The following PTPRD variants were observed in gnomAD, a reference collection of about 807,000 sequenced individuals.
PTPRD encodes the protein protein tyrosine phosphatase receptor type D, also known as receptor-type tyrosine-protein phosphatase delta.
Under a neutral mutation model 214.5 loss-of-function variants are expected in PTPRD, and 34 were observed. The ratio of observed to expected loss-of-function variants is 0.16; its 90% CI spans 0.12 to 0.21. The LOEUF (loss-of-function observed/expected upper bound fraction) is 0.21, where lower values mean the gene tolerates loss of function less well. Among genes scored for constraint, PTPRD ranks in the 10% least tolerant of loss-of-function variants. PTPRD has a pLI of 1.00. For missense variants in PTPRD, 2,545 were observed against 2,398.7 expected (o/e 1.06, Z -1.27); for synonymous variants, 1,128 against 845.7 (o/e 1.33, Z -5.79).
intron 12 of PTPRD, among the ~76,000 whole-genome samples, chr9:8,652,972 T>C (rs1163734735): frequency 1.3e-5 from 2 of 152,166 alleles, no homozygotes; most frequent in African/African-American, 4.8e-5. Context: ...TACATGCTGC[T>C]TCTTTCCCTC....
rs531114582 is a variant in PTPRD, at chr9:9,899,483, T to C, written c.-368+39024A>G. Among the ~76,000 whole-genome samples the C allele has an allele frequency of 3.9e-5, 6 of 152,116 alleles. No individual in the cohort carries two copies. In the East Asian group the frequency reaches 1.2e-3, roughly 29 times the overall value. On this transcript the variant is annotated intron_variant, in intron 5 of 45. Transcript: ENST00000381196. ...ACACAATTCATCAGGGAAATGCAAA[T>C]TAAAGCCACTGTGAGATATCACCTC...
chr9:9,357,111 C>T (rs2138711248), intron 9 of PTPRD, among the ~76,000 whole-genome samples: 1 of 151,420 alleles, frequency 6.6e-6, no homozygotes, highest in Middle Eastern at 3.4e-3. Context: ...TCTAAATATA[C>T]ATTAGAGAGC....
chr9:8,393,809 CA>C (rs2090327717), intron 36 of PTPRD, among the ~76,000 whole-genome samples: 1 of 152,078 alleles, frequency 6.6e-6, no homozygotes, highest in Admixed American at 6.6e-5. Flanking sequence ...CATATTATAC[CA>C]ATATGCTCCA....
In PTPRD at chr9:8,486,328, A is replaced by C. The variant is rs764032821; in HGVS notation, c.2489T>G (p.Val830Gly). Residue 830 changes from valine to glycine, a missense_variant, in exon 28 of 46, where the codon GTG (valine) becomes GGG (glycine). Coordinates refer to ENST00000381196, the MANE Select transcript of PTPRD (RefSeq NM_002839.4). ...AGTATTCATCTGAGTGTGGTTAATC[A>C]CAAGCCGAGGTTTCCCTGGAACTGG... is the stretch of plus-strand genomic sequence containing the variant. Reference protein sequence around the residue: ...TGAVPGKPRLVINHTQMNTAL... With the variant: ...TGAVPGKPRLGINHTQMNTAL... The C allele has an allele frequency of 1.1e-5, 18 of 1,613,960 alleles. No individual in the cohort carries two copies. Among genetic ancestry groups the C allele is most frequent in the Non-Finnish European group, 1.4e-5 (17 of 1,179,974 alleles).
At chr9:10,464,643 A>T (rs1010452025) in intron 2 of PTPRD, among the ~76,000 whole-genome samples, 3 of 152,138 alleles carry the variant, frequency 2.0e-5, no homozygotes, top group Non-Finnish European at 2.9e-5. Flanking sequence ...GAAATGCATA[A>T]AGGTCCTAGT....
At position 9,595,550 on chromosome 9, in the gene PTPRD, TTGTGTGTGTG is replaced by T. The variant is rs58995675; in HGVS notation, c.-286-20779_-286-20770del. Among the ~76,000 whole-genome samples the T allele has an allele frequency of 1.8e-3, 272 of 147,400 alleles. 2 individuals carry two copies. Among genetic ancestry groups the T allele is most frequent in the Non-Finnish European group, 3.2e-3 (216 of 66,936 alleles). On this transcript the variant is annotated intron_variant, in intron 7 of 45. Coordinates refer to ENST00000381196, the MANE Select transcript of PTPRD (RefSeq NM_002839.4). ...CACACGTATGCATATGTATGTGTGT[TTGTGTGTGTG>T]TGTGTGTGTGTGTGTGTATATACAT...
At chr9:9,204,976 T>A (rs1436669244) in intron 9 of PTPRD, among the ~76,000 whole-genome samples, 1 of 152,166 alleles carries the variant, frequency 6.6e-6, no homozygotes, top group Non-Finnish European at 1.5e-5. Context: ...AGGTGAAGTG[T>A]GTGACTATTG....
intron 11 of PTPRD, among the ~76,000 whole-genome samples, chr9:8,857,427 A>T (rs1238365876): frequency 6.6e-6 from 1 of 152,124 alleles, no homozygotes; most frequent in Non-Finnish European, 1.5e-5. Flanking sequence ...GTTTCAGGCG[A>T]GAAGTGAACC....
At chr9:9,911,300 A>G (rs1478371409) in intron 5 of PTPRD, among the ~76,000 whole-genome samples, 1 of 152,222 alleles carries the variant, frequency 6.6e-6, no homozygotes, top group East Asian at 1.9e-4. Context: ...AGCTAAATGC[A>G]AGAACTCTTA....
chr9:8,728,552 C>T (rs1179972591), intron 12 of PTPRD, among the ~76,000 whole-genome samples: 1 of 152,224 alleles, frequency 6.6e-6, no homozygotes, highest in East Asian at 1.9e-4. Flanking sequence ...ACTCTGCCTA[C>T]TGAAATGTAT....
At position 8,501,037 on chromosome 9, in the gene PTPRD, G is replaced by A. The variant is rs1173837876; in HGVS notation, c.1845C>T (p.Asp615=). Residue 615 remains aspartate, a synonymous_variant, in exon 24 of 46, where the codon GAC becomes GAT. Coordinates refer to ENST00000381196, the MANE Select transcript of PTPRD (RefSeq NM_002839.4). ...MQSKPSAPPQ[D]ISCTSPSSTS... ...TGGAACTTGGGCTGGTGCAACTAAT[G>A]TCTTGAGGAGGAGCTGACGGCTCTT... 6.2e-7 allele frequency: 1 copy of A among 1,613,254 alleles called. No individual in the cohort carries two copies. Among genetic ancestry groups the A allele is most frequent in the Non-Finnish European group, 8.5e-7 (1 of 1,179,518 alleles).
At chr9:9,621,983 GGAGAC>G (rs1179630305) in intron 7 of PTPRD, among the ~76,000 whole-genome samples, 1 of 152,152 alleles carries the variant, frequency 6.6e-6, no homozygotes, top group Admixed American at 6.5e-5. Context: ...ACGGAGGCGA[GGAGAC>G]CTGGTCATCT....
At position 10,247,320 on chromosome 9, in the gene PTPRD, G is replaced by A. The variant is rs190245960; in HGVS notation, c.-545+93643C>T. Among the ~76,000 whole-genome samples, 312 of 152,156 alleles carry A rather than the reference G, an allele frequency of 2.1e-3. 1 individual carries two copies. Among genetic ancestry groups the A allele is most frequent in the African/African-American group, 7.3e-3 (305 of 41,514 alleles). On this transcript the variant is annotated intron_variant, in intron 3 of 45. Transcript: ENST00000381196. ...ATTAAGATCCATGTTTCAGAAAATA[G>A]AAGGAAAGCTATGTGCATTTTCCTC...
intron 5 of PTPRD, among the ~76,000 whole-genome samples, chr9:9,803,339 A>T (rs963721457): frequency 6.6e-6 from 1 of 151,904 alleles, no homozygotes; most frequent in Non-Finnish European, 1.5e-5. Context: ...AGAAACACAA[A>T]ATTTTTAAGT....
chr9:10,323,384 T>A (rs1404831755), intron 3 of PTPRD, among the ~76,000 whole-genome samples: 2 of 149,730 alleles, frequency 1.3e-5, no homozygotes, highest in African/African-American at 4.9e-5. Context: ...AATCTCAGCC[T>A]CCTGGGCTCT....
At chr9:9,770,097 A>C (rs1341281524) in intron 5 of PTPRD, among the ~76,000 whole-genome samples, 3 of 152,168 alleles carry the variant, frequency 2.0e-5, no homozygotes. Context: ...ATAGTAGAAT[A>C]ATTTATAATC....
chr9:8,881,998 G>A (rs2098449914), intron 11 of PTPRD, among the ~76,000 whole-genome samples: 1 of 152,178 alleles, frequency 6.6e-6, no homozygotes, highest in Admixed American at 6.5e-5. Flanking sequence ...TTGTCAAACA[G>A]GCTGGTAGAA....
intron 2 of PTPRD, among the ~76,000 whole-genome samples, chr9:10,438,695 C>T (rs1475812584): frequency 1.3e-5 from 2 of 151,540 alleles, no homozygotes; most frequent in Non-Finnish European, 3.0e-5. Context: ...TACAGTTTGG[C>T]AAAGGAACTG....
At chr9:8,361,986 A>C (rs953243001) in intron 39 of PTPRD, among the ~76,000 whole-genome samples, 2 of 152,206 alleles carry the variant, frequency 1.3e-5, no homozygotes, top group African/African-American at 4.8e-5. Context: ...GTGAAGCTTT[A>C]GCAGAAAACC....
Sources: gnomAD v4.1 joint callset for allele counts (sites outside exome capture counted in the v4.1 genomes callset) on GRCh38, gnomAD v4.1.1 for gene constraint, MANE v1.5 for transcripts, NCBI Gene and HGNC (gene_info 2026-07-23, HGNC 2026-07-21) for gene names.